Variants in FGD4 observed in about 807,000 individuals in gnomAD.
FGD4 encodes FYVE, RhoGEF and PH domain containing 4, also known as FYVE, RhoGEF and PH domain-containing protein 4.
A neutral mutation model predicts 102.0 loss-of-function variants in FGD4; 42 were observed. The ratio of observed to expected loss-of-function variants is 0.41; its 90% CI spans 0.32 to 0.53. FGD4 has a LOEUF of 0.53. Ranked by LOEUF, FGD4 falls within the 20% of genes least tolerant of loss-of-function variation. FGD4 has a pLI of 0.21. For missense variants in FGD4, 902 were observed against 1,078.2 expected, an observed-to-expected ratio of 0.84 and a Z score of 2.29; for synonymous variants, 380 against 375.7, an observed-to-expected ratio of 1.01 and a Z score of -0.13.
chr12:32,552,550 G>A (rs1340634315), intron 1 of FGD4, among the ~76,000 whole-genome samples: 1 of 149,920 alleles, frequency 6.7e-6, no homozygotes, highest in African/African-American at 2.4e-5. Flanking sequence ...TCAAAGTGCT[G>A]GGATTACAGG....
At chr12:32,586,394 G>T (rs779697811) in intron 4 of FGD4, among the ~76,000 whole-genome samples, 3 of 152,180 alleles carry the variant, frequency 2.0e-5, no homozygotes, top group Non-Finnish European at 4.4e-5. Context: ...ATTCTAGCTT[G>T]TTTTTCTGAG....
intron 1 of FGD4, chr12:32,477,287 C>G (rs954690794): frequency 8.2e-5 from 10 of 121,578 alleles, no homozygotes; most frequent in Non-Finnish European, 1.7e-4. Flanking sequence ...GACTCCGTCT[C>G]AAAAAAAAAA....
chr12:32,519,081 A>G (rs1940215004), intron 1 of FGD4, among the ~76,000 whole-genome samples: 1 of 137,246 alleles, frequency 7.3e-6, no homozygotes, highest in East Asian at 2.2e-4. Context: ...ATGCCATTGC[A>G]TTCCAGCCTG....
At chr12:32,403,294 C>T (rs1940768184) in intron 1 of FGD4, among the ~76,000 whole-genome samples, 1 of 152,106 alleles carries the variant, frequency 6.6e-6, no homozygotes, top group Non-Finnish European at 1.5e-5. Flanking sequence ...ATGTGAAGCT[C>T]CCCATTTAAG....
intron 4 of FGD4, among the ~76,000 whole-genome samples, chr12:32,586,270 G>A (rs1947023538): frequency 6.6e-6 from 1 of 152,226 alleles, no homozygotes; most frequent in Middle Eastern, 3.4e-3. Context: ...AACCTTTTAA[G>A]TTGCTAAAAG....
At chr12:32,561,968 G>A (rs777346074) in intron 1 of FGD4, among the ~76,000 whole-genome samples, 4 of 152,148 alleles carry the variant, frequency 2.6e-5, no homozygotes, top group Non-Finnish European at 5.9e-5. Flanking sequence ...ATGTTGATGT[G>A]GAGTCTGAGT....
intron 15 of FGD4, among the ~76,000 whole-genome samples, chr12:32,635,244 A>G (rs1950736957): frequency 1.3e-5 from 2 of 152,194 alleles, no homozygotes; most frequent in East Asian, 1.9e-4. Flanking sequence ...GACATGCTTC[A>G]TTGGACATCA....
chr12:32,576,195 A>T, intron 2 of FGD4, 71 bp from the exon 3 acceptor site: 1 of 1,478,598 alleles, frequency 6.8e-7, no homozygotes, highest in Non-Finnish European at 9.2e-7. Flanking sequence ...TTTTGCACCC[A>T]GGACACCAGA....
At position 32,598,587 on chromosome 12, in the gene FGD4, G is replaced by C; in HGVS notation, c.1101+1G>C. On this transcript the variant is annotated splice_donor_variant, in intron 5 of 16. Coordinates refer to ENST00000534526, the MANE Select transcript of FGD4 (RefSeq NM_001370298.3). LOFTEE classifies it high-confidence loss of function. ...CAACCGACTTGACCTCTTAGATCAG[G>C]TAAGATTTTCTTTCTCAGAATTATT... 6.2e-7 allele frequency: 1 copy of C among 1,608,876 alleles called. No homozygotes were observed. Among genetic ancestry groups the C allele is most frequent in the Non-Finnish European group, 8.5e-7 (1 of 1,175,454 alleles).
intron 1 of FGD4, among the ~76,000 whole-genome samples, chr12:32,470,447 T>G (rs1943384236): frequency 6.7e-6 from 1 of 149,500 alleles, no homozygotes; most frequent in Non-Finnish European, 1.5e-5. Context: ...GCTTCGAAGT[T>G]TTCTTTTTTC....
At chr12:32,568,029 A>G (rs904995809) in intron 2 of FGD4, among the ~76,000 whole-genome samples, 21 of 152,186 alleles carry the variant, frequency 1.4e-4, no homozygotes, top group African/African-American at 4.6e-4. Flanking sequence ...GCACATCTTT[A>G]TTAGTGGTGA....
intron 1 of FGD4, among the ~76,000 whole-genome samples, chr12:32,412,488 T>C (rs1941246980): frequency 1.3e-5 from 2 of 152,200 alleles, no homozygotes; most frequent in South Asian, 2.1e-4. Flanking sequence ...AGTTATGAAA[T>C]TGTTATAGGC....
At chr12:32,488,148 A>G (rs911208498) in intron 1 of FGD4, among the ~76,000 whole-genome samples, 1 of 151,676 alleles carries the variant, frequency 6.6e-6, no homozygotes, top group Non-Finnish European at 1.5e-5. Flanking sequence ...AATTGGCCTG[A>G]GATTTTCCCG....
chr12:32,462,855 A>C (rs1943144786), intron 1 of FGD4, among the ~76,000 whole-genome samples: 1 of 152,228 alleles, frequency 6.6e-6, no homozygotes, highest in Admixed American at 6.5e-5. Flanking sequence ...GCCGTAATAT[A>C]AAAGCAGTGA....
At chr12:32,453,030 C>A (rs1016725166) in intron 1 of FGD4, among the ~76,000 whole-genome samples, 2 of 151,328 alleles carry the variant, frequency 1.3e-5, no homozygotes, top group South Asian at 2.1e-4. Flanking sequence ...ATTGAACTTT[C>A]TATTATAGAA....
In FGD4 at chr12:32,400,072, G is replaced by A. The variant is rs79300855; in HGVS notation, c.166+113G>A. On this transcript the variant is annotated intron_variant, in intron 1 of 16. Coordinates refer to ENST00000534526, the MANE Select transcript of FGD4 (RefSeq NM_001370298.3). ...TCGTCCCCCGCTGCGGAGGTAACTG[G>A]TTCGGGAGGTTCATTGTGGAAGGCT... 2.2e-5 allele frequency: 30 copies of A among 1,355,966 alleles called. No individual in the cohort carries two copies. The East Asian group carries it at 8.9e-4, about 40-fold the overall frequency. The allele number at this position is 1,355,966 out of a possible 1,614,324, so 84.0% of individuals were successfully genotyped here. A position where few individuals can be genotyped will look rare whatever the true frequency, so the allele number is the denominator to read the frequency against.
At chr12:32,526,017 C>T (rs944960739) in intron 1 of FGD4, among the ~76,000 whole-genome samples, 3 of 152,266 alleles carry the variant, frequency 2.0e-5, no homozygotes, top group South Asian at 2.1e-4. Context: ...TGCTCCACGG[C>T]GCCCAGTCCC....
At chr12:32,608,542 G>A (rs1310414612) in intron 8 of FGD4, among the ~76,000 whole-genome samples, 2 of 152,184 alleles carry the variant, frequency 1.3e-5, no homozygotes, top group Non-Finnish European at 2.9e-5. Flanking sequence ...TACCATAACA[G>A]GAAATGGTGC....
chr12:32,404,400 C>A (rs1940834919), intron 1 of FGD4, among the ~76,000 whole-genome samples: 1 of 151,840 alleles, frequency 6.6e-6, no homozygotes, highest in Admixed American at 6.6e-5. Flanking sequence ...CAAAAAAGTA[C>A]TATTGATTGA....
Sources: gnomAD v4.1 joint callset for allele counts (sites outside exome capture counted in the v4.1 genomes callset) on GRCh38, gnomAD v4.1.1 for gene constraint, MANE v1.5 for transcripts, NCBI Gene and HGNC (gene_info 2026-07-23, HGNC 2026-07-21) for gene names.